The following NDUFAF2 variants were observed in gnomAD, a reference collection of about 807,000 sequenced individuals.
NDUFAF2 encodes the protein NADH dehydrogenase [ubiquinone] 1 alpha subcomplex assembly factor 2.
Under a neutral mutation model 22.8 loss-of-function variants are expected in NDUFAF2, and 13 were observed. That is an observed-to-expected ratio of 0.57 (90% CI 0.37 to 0.91). The LOEUF (loss-of-function observed/expected upper bound fraction) is 0.91. NDUFAF2 is among the 40% of genes least tolerant of loss of function. The probability of loss-of-function intolerance (pLI) is 0.01; values close to 1 mark genes in which losing one functional copy is unlikely to be tolerated. For missense variants in NDUFAF2, 162 were observed against 195.2 expected (o/e 0.83, Z 1.01); for synonymous variants, 53 against 64.2 (o/e 0.83, Z 0.84).
chr5:61,042,783 T>TA (rs1207043461), intron 1 of NDUFAF2, among the ~76,000 whole-genome samples: 1 of 152,148 alleles, frequency 6.6e-6, no homozygotes, highest in Non-Finnish European at 1.5e-5. Flanking sequence ...TATTCAGTAC[T>TA]AAAAATAAAT....
chr5:61,132,671 C>G (rs1318983769), intron 3 of NDUFAF2, among the ~76,000 whole-genome samples: 1 of 152,176 alleles, frequency 6.6e-6, no homozygotes, highest in Non-Finnish European at 1.5e-5. Context: ...ACCTTTCCTT[C>G]CTTCCCATAA....
rs535726404 is a variant in NDUFAF2, at chr5:61,106,798, C to G, written c.258+7766C>G. ...AACATGTGAAGGTTATCTTTCTATG[C>G]CTGCCTTATTTCACTTAAAATAATG... On this transcript the variant is annotated intron_variant, in intron 3 of 3. Transcript: ENST00000296597. Among the ~76,000 whole-genome samples, 69 of 151,200 alleles carry G rather than the reference C, an allele frequency of 4.6e-4. 5 individuals are homozygous for G. The highest frequency in any genetic ancestry group is 1.7e-3 in the African/African-American group (68 of 40,636).
At chr5:61,098,115 G>T (rs1313986577) in intron 2 of NDUFAF2, among the ~76,000 whole-genome samples, 1 of 152,132 alleles carries the variant, frequency 6.6e-6, no homozygotes, top group Non-Finnish European at 1.5e-5. Context: ...TAATAACTTA[G>T]ACTTATGTGC....
At chr5:61,069,668 C>G (rs1163685350) in intron 1 of NDUFAF2, among the ~76,000 whole-genome samples, 2 of 152,076 alleles carry the variant, frequency 1.3e-5, no homozygotes, top group Non-Finnish European at 2.9e-5. Flanking sequence ...ATATCTGTGT[C>G]CAGGGTGCTC....
intron 1 of NDUFAF2, among the ~76,000 whole-genome samples, chr5:60,959,817 T>C (rs1415465508): frequency 6.6e-6 from 1 of 152,122 alleles, no homozygotes; most frequent in Non-Finnish European, 1.5e-5. Flanking sequence ...ATGTCTTATG[T>C]TTTCTTCTGA....
intron 2 of NDUFAF2, among the ~76,000 whole-genome samples, chr5:61,084,734 A>T (rs932258188): frequency 5.9e-5 from 9 of 152,176 alleles, no homozygotes; most frequent in African/African-American, 1.9e-4. Context: ...AATGATGGAC[A>T]CTGGAGTTGC....
Position 61,110,613 on chromosome 5 carries a change from T to A in NDUFAF2, c.258+11581T>A, listed in dbSNP as rs558709917. On this transcript the variant is annotated intron_variant, in intron 3 of 3. Coordinates refer to ENST00000296597, the MANE Select transcript of NDUFAF2 (RefSeq NM_174889.5). ...GGTTTTCCAATGTATTGGCTTATAG[T>A]TGCTCATAGTAGCCTTCTTATGATC... 1.4e-3 allele frequency among the ~76,000 whole-genome samples: 219 copies of A among 152,222 alleles called. 2 individuals are homozygous for A. Among genetic ancestry groups the A allele is most frequent in the African/African-American group, 5.1e-3 (212 of 41,588 alleles).
In NDUFAF2 at chr5:60,945,246, G is replaced by T; in HGVS notation, c.-10G>T. ...CCGCTGCTGGCAGCGCTGGAAACTG[G>T]GTGGACGGCATGGGTTGGTCTCAGG... On this transcript the variant is annotated 5_prime_UTR_variant, in exon 1 of 4. Transcript: ENST00000296597. The T allele has an allele frequency of 6.2e-7, 1 of 1,612,414 alleles. No individual in the cohort carries two copies. The highest frequency in any genetic ancestry group is 8.5e-7 in the Non-Finnish European group (1 of 1,179,718).
intron 1 of NDUFAF2, among the ~76,000 whole-genome samples, chr5:60,980,680 G>A (rs1363521576): frequency 6.6e-6 from 1 of 152,116 alleles, no homozygotes; most frequent in Non-Finnish European, 1.5e-5. Flanking sequence ...GGCTGAGGTG[G>A]GTGGATCACT....
chr5:61,043,653 T>C (rs1020055139), intron 1 of NDUFAF2, among the ~76,000 whole-genome samples: 2 of 151,986 alleles, frequency 1.3e-5, no homozygotes, highest in African/African-American at 4.8e-5. Flanking sequence ...AATGACAGGA[T>C]TGCCATCTTT....
At chr5:61,148,575 C>T (rs295568) in intron 3 of NDUFAF2, among the ~76,000 whole-genome samples, 6,604 of 152,294 alleles carry the variant, frequency 0.043, 173 homozygotes, top group South Asian at 0.08. Context: ...ACCTTTACAA[C>T]AGCCCATTGA....
Position 60,948,561 on chromosome 5 carries a change from T to G in NDUFAF2, c.127+3179T>G, listed in dbSNP as rs77707441. ...ACAGCACATATTCTGCTTTTTTTTT[T>G]TTTTGTTTTTTAGGTTCTTCACTCA... is the stretch of plus-strand genomic sequence containing the variant. On this transcript the variant is annotated intron_variant, in intron 1 of 3. Coordinates refer to ENST00000296597, the MANE Select transcript of NDUFAF2 (RefSeq NM_174889.5). 0.014 allele frequency among the ~76,000 whole-genome samples: 2,092 copies of G among 152,186 alleles called. 125 individuals carry two copies. The East Asian group carries it at 0.19, about 14-fold the overall frequency.
chr5:61,034,094 A>G (rs1173642954), intron 1 of NDUFAF2, among the ~76,000 whole-genome samples: 1 of 152,160 alleles, frequency 6.6e-6, no homozygotes, highest in Non-Finnish European at 1.5e-5. Context: ...TGCATATTCT[A>G]ATTTAGACAT....
intron 3 of NDUFAF2, among the ~76,000 whole-genome samples, chr5:61,099,815 T>C (rs1359850297): frequency 1.3e-5 from 2 of 152,280 alleles, no homozygotes; most frequent in Middle Eastern, 6.8e-3. Context: ...CCCTCCTCTC[T>C]TCTGTTGCCT....
intron 1 of NDUFAF2, among the ~76,000 whole-genome samples, chr5:61,021,073 C>G (rs168710): frequency 0.67 from 100,575 of 149,732 alleles, 34,040 homozygotes; most frequent in East Asian, 0.94. Flanking sequence ...TTTTATTACT[C>G]GTTTCTCATT....
intron 1 of NDUFAF2, among the ~76,000 whole-genome samples, chr5:60,974,956 C>A (rs1376719201): frequency 1.3e-5 from 2 of 152,038 alleles, no homozygotes; most frequent in African/African-American, 4.8e-5. Flanking sequence ...ACTGAGATTA[C>A]AGGTGCACAC....
chr5:61,007,818 C>CTA (rs1013026511), intron 1 of NDUFAF2, among the ~76,000 whole-genome samples: 3 of 152,088 alleles, frequency 2.0e-5, no homozygotes, highest in African/African-American at 7.2e-5. Context: ...ACCCAAAGGA[C>CTA]TATAAGTCAT....
chr5:61,096,022 G>T (rs1752635299), intron 2 of NDUFAF2, among the ~76,000 whole-genome samples: 1 of 151,896 alleles, frequency 6.6e-6, no homozygotes, highest in African/African-American at 2.4e-5. Flanking sequence ...CTTTAATTTG[G>T]GCCATAAAGA....
chr5:61,008,249 A>C (rs892307755), intron 1 of NDUFAF2, among the ~76,000 whole-genome samples: 1 of 151,988 alleles, frequency 6.6e-6, no homozygotes, highest in Non-Finnish European at 1.5e-5. Context: ...ACATGTATAC[A>C]TATGTAACTA....
Sources: gnomAD v4.1 joint callset for allele counts (sites outside exome capture counted in the v4.1 genomes callset) on GRCh38, gnomAD v4.1.1 for gene constraint, MANE v1.5 for transcripts, NCBI Gene and HGNC (gene_info 2026-07-23, HGNC 2026-07-21) for gene names.